NCKAP5: variants seen among roughly 807,000 people sequenced by gnomAD.
The protein encoded by NCKAP5 is NCK associated protein 5, also known as nck-associated protein 5.
In NCKAP5, 92 loss-of-function variants were observed where a neutral mutation model predicts 167.0. The observed-to-expected ratio is 0.55, with a 90% CI of 0.47 to 0.66. The LOEUF is 0.66. NCKAP5 is among the 30% of genes least tolerant of loss of function. The pLI, the probability that NCKAP5 is intolerant of heterozygous loss-of-function variation, is 0.00. For synonymous variants in NCKAP5, 891 were observed against 877.4 expected (o/e 1.02, Z -0.27); for missense variants, 2,378 against 2,315.0 (o/e 1.03, Z -0.56).
chr2:132,998,650 C>A (rs1214167184), intron 6 of NCKAP5, among the ~76,000 whole-genome samples: 1 of 152,084 alleles, frequency 6.6e-6, no homozygotes, highest in African/African-American at 2.4e-5. Flanking sequence ...TCCCAAAAAT[C>A]AAAAATCAAA....
intron 12 of NCKAP5, among the ~76,000 whole-genome samples, chr2:132,794,408 G>A (rs1038158984): frequency 1.3e-5 from 2 of 150,124 alleles, no homozygotes; most frequent in Admixed American, 1.3e-4. Flanking sequence ...CAAGGTGGGT[G>A]GATTGACTGA....
intron 6 of NCKAP5, among the ~76,000 whole-genome samples, chr2:133,052,247 G>T (rs143623173): frequency 1.3e-5 from 2 of 152,058 alleles, no homozygotes; most frequent in African/African-American, 4.8e-5. Flanking sequence ...AGGAAACCAC[G>T]GACTATCATC....
chr2:133,081,610 T>C (rs1178296766), intron 6 of NCKAP5, among the ~76,000 whole-genome samples: 1 of 152,178 alleles, frequency 6.6e-6, no homozygotes, highest in Non-Finnish European at 1.5e-5. Context: ...ATTTATAGTA[T>C]GGCAATTATT....
chr2:132,854,897 T>C (rs923446898), intron 11 of NCKAP5, among the ~76,000 whole-genome samples: 1 of 152,070 alleles, frequency 6.6e-6, no homozygotes, highest in Non-Finnish European at 1.5e-5. Context: ...GGAAAACCTA[T>C]GTCATGCTCT....
chr2:133,387,910 T>A (rs1473428110), intron 3 of NCKAP5, among the ~76,000 whole-genome samples: 1 of 152,224 alleles, frequency 6.6e-6, no homozygotes, highest in African/African-American at 2.4e-5. Flanking sequence ...CTTTAAGGAC[T>A]TCTCTGCATT....
Position 133,364,751 on chromosome 2 carries a change from CT to C in NCKAP5, c.70-61642del, listed in dbSNP as rs112877317. 1.6e-3 allele frequency among the ~76,000 whole-genome samples: 234 copies of C among 148,544 alleles called. 1 individual carries two copies. The highest frequency in any genetic ancestry group is 5.4e-3 in the African/African-American group (220 of 40,508). On this transcript the variant is annotated intron_variant, in intron 3 of 19. Transcript: ENST00000409261. ...AGTGGAGCTCGTGAGGTCATTGTGT[CT>C]TTTTTTTTTCTTTTTTTTTGAGACA...
intron 3 of NCKAP5, among the ~76,000 whole-genome samples, chr2:133,357,677 T>A (rs1428059881): frequency 6.6e-6 from 1 of 152,196 alleles, no homozygotes; most frequent in African/African-American, 2.4e-5. Flanking sequence ...AATGACCTCC[T>A]TATCAATCTC....
chr2:132,961,230 A>G (rs1272149480), intron 8 of NCKAP5, among the ~76,000 whole-genome samples: 1 of 152,040 alleles, frequency 6.6e-6, no homozygotes, highest in African/African-American at 2.4e-5. Flanking sequence ...GAGAATATGG[A>G]GCAAATATTT....
intron 16 of NCKAP5, among the ~76,000 whole-genome samples, chr2:132,749,049 A>T (rs1379203653): frequency 2.0e-5 from 3 of 152,102 alleles, no homozygotes; most frequent in Non-Finnish European, 4.4e-5. Context: ...GATTACAGGC[A>T]TGAGCCATCA....
intron 5 of NCKAP5, among the ~76,000 whole-genome samples, chr2:133,160,419 T>TC (rs1245656492): frequency 1.8e-5 from 2 of 111,848 alleles, no homozygotes; most frequent in African/African-American, 3.4e-5. Context: ...TTTTTTTTTT[T>TC]TTTCTTTTCC....
intron 19 of NCKAP5, among the ~76,000 whole-genome samples, chr2:132,698,086 T>C (rs954641887): frequency 1.3e-5 from 2 of 152,230 alleles, no homozygotes; most frequent in Non-Finnish European, 1.5e-5. Flanking sequence ...TAATGGGTTA[T>C]GCAGACCATG....
At chr2:133,235,134 C>A (rs1468913494) in intron 4 of NCKAP5, among the ~76,000 whole-genome samples, 4 of 151,816 alleles carry the variant, frequency 2.6e-5, no homozygotes, top group Non-Finnish European at 5.9e-5. Context: ...CTTCATTACT[C>A]ACACAATTAT....
At chr2:133,664,188 ATGG>A in the NCKAP5 span, among the ~76,000 whole-genome samples, 1 of 151,986 alleles carries the variant, frequency 6.6e-6, no homozygotes, top group Non-Finnish European at 1.5e-5. Flanking sequence ...GGAGGTCTTA[ATGG>A]TGGGCTTAAA....
chr2:133,431,178 A>G (rs556389295), intron 3 of NCKAP5, among the ~76,000 whole-genome samples: 1 of 152,280 alleles, frequency 6.6e-6, no homozygotes, highest in East Asian at 1.9e-4. Context: ...GACAGATAGG[A>G]AACTAGCACT....
At chr2:133,557,202 T>A (rs1318145529) in intron 2 of NCKAP5, among the ~76,000 whole-genome samples, 1 of 152,190 alleles carries the variant, frequency 6.6e-6, no homozygotes, top group African/African-American at 2.4e-5. Context: ...GACATTCACA[T>A]CATGAATGCG....
At chr2:133,248,522 A>G (rs1172767649) in intron 4 of NCKAP5, among the ~76,000 whole-genome samples, 1 of 152,220 alleles carries the variant, frequency 6.6e-6, no homozygotes, top group Non-Finnish European at 1.5e-5. Flanking sequence ...CCTCTGGTCC[A>G]CTGGGAAAAA....
At chr2:133,388,698 C>T (rs539992317) in intron 3 of NCKAP5, among the ~76,000 whole-genome samples, 1 of 152,332 alleles carries the variant, frequency 6.6e-6, no homozygotes, top group African/African-American at 2.4e-5. Flanking sequence ...TCCAAGCTTC[C>T]CGGCCACTTT....
intron 3 of NCKAP5, among the ~76,000 whole-genome samples, chr2:133,421,853 TACATC>T (rs1689497929): frequency 1.3e-5 from 2 of 152,194 alleles, no homozygotes; most frequent in Admixed American, 1.3e-4. Flanking sequence ...CAAGTCACAT[TACATC>T]ACCTGCACTA....
chr2:133,441,301 T>G (rs1690843916), intron 3 of NCKAP5, among the ~76,000 whole-genome samples: 1 of 152,228 alleles, frequency 6.6e-6, no homozygotes, highest in South Asian at 2.1e-4. Context: ...CACTGAATAT[T>G]AGAATGTTAG....
Sources: gnomAD v4.1 joint callset for allele counts (sites outside exome capture counted in the v4.1 genomes callset) on GRCh38, gnomAD v4.1.1 for gene constraint, MANE v1.5 for transcripts, NCBI Gene and HGNC (gene_info 2026-07-23, HGNC 2026-07-21) for gene names.